The following KIF4A variants were observed in gnomAD, a reference collection of about 807,000 sequenced individuals.
KIF4A encodes kinesin family member 4A, also known as chromosome-associated kinesin KIF4A.
Under a neutral mutation model 105.9 loss-of-function variants are expected in KIF4A, and 7 were observed. The ratio of observed to expected loss-of-function variants is 0.07; its 90% confidence interval spans 0.04 to 0.12. The LOEUF is 0.12. KIF4A is among the 10% of genes least tolerant of loss of function. The probability of loss-of-function intolerance (pLI) is 1.00; values close to 1 mark genes in which losing one functional copy is unlikely to be tolerated. For missense variants in KIF4A, 558 were observed against 929.2 expected, an observed-to-expected ratio of 0.60 and a Z score of 5.19; for synonymous variants, 281 against 331.3, an observed-to-expected ratio of 0.85 and a Z score of 1.65.
chrX:70,295,790 G>A (rs762226872), intron 3 of KIF4A, among the ~76,000 whole-genome samples: 3 of 107,720 alleles, frequency 2.8e-5, no homozygotes, highest in South Asian at 8.5e-4. Context: ...GGTGGCACGC[G>A]TCTGTAATCC....
intron 29 of KIF4A, among the ~76,000 whole-genome samples, chrX:70,418,971 G>C (rs1423361345): frequency 9.0e-6 from 1 of 110,546 alleles, no homozygotes; most frequent in African/African-American, 3.3e-5. Flanking sequence ...TATAGTCCCA[G>C]CTACTCAGGA....
At chrX:70,316,523 A>G (rs113156019) in intron 7 of KIF4A, among the ~76,000 whole-genome samples, 1 of 90,648 alleles carries the variant, frequency 1.1e-5, no homozygotes, top group Non-Finnish European at 2.0e-5. Context: ...ACACATAAAT[A>G]TATATTACAT....
chrX:70,325,415 C>G (rs889909591), intron 7 of KIF4A, among the ~76,000 whole-genome samples: 1 of 110,258 alleles, frequency 9.1e-6, no homozygotes, highest in African/African-American at 3.3e-5. Context: ...GTAGCTGGGA[C>G]TACAGGTGCA....
At chrX:70,319,131 C>T (rs1056298588) in intron 7 of KIF4A, among the ~76,000 whole-genome samples, 2 of 110,668 alleles carry the variant, frequency 1.8e-5, no homozygotes, top group African/African-American at 6.6e-5. Context: ...GGCGTGGTGG[C>T]GGGCGCCTGT....
chrX:70,333,943 A>T (rs2085940850), intron 10 of KIF4A, among the ~76,000 whole-genome samples: 1 of 111,537 alleles, frequency 9.0e-6, no homozygotes, highest in Admixed American at 9.5e-5. Context: ...TGTTTATTTG[A>T]CATTTAGTTA....
chrX:70,383,532 T>A (rs951694928), intron 18 of KIF4A, among the ~76,000 whole-genome samples: 15 of 111,954 alleles, frequency 1.3e-4, no homozygotes, highest in African/African-American at 3.2e-4. Context: ...CACTCTTAGT[T>A]TTGTCTACCC....
chrX:70,382,473 G>GA (rs1364844531), intron 18 of KIF4A, among the ~76,000 whole-genome samples: 1 of 111,524 alleles, frequency 9.0e-6, no homozygotes, highest in Non-Finnish European at 1.9e-5. Flanking sequence ...AATTAAAGCA[G>GA]ATCAAAAACC....
intron 7 of KIF4A, among the ~76,000 whole-genome samples, chrX:70,304,194 G>GT (rs1244357964): frequency 2.0e-5 from 2 of 98,674 alleles, no homozygotes; most frequent in Non-Finnish European, 4.1e-5. Context: ...GTGGTGTTTG[G>GT]TTTTTTGTCC....
In KIF4A at chrX:70,387,255, G is replaced by A; in HGVS notation, c.2190G>A (p.Glu730=). ...GGGAGGTTGCAGATAAGCGGAAAGAGACTCAGAGCCGTGGAATGGAAGGCA... is the reference window on the plus strand; with the variant it reads ...GGGAGGTTGCAGATAAGCGGAAAGAAACTCAGAGCCGTGGAATGGAAGGCA... ...KQREVADKRK[E]TQSRGMEGTA... The change falls in exon 20 of 31, where the codon GAG becomes GAA. Residue 730 remains glutamate (E), a synonymous_variant. Coordinates refer to ENST00000374403, the MANE Select transcript of KIF4A (RefSeq NM_012310.5). The A allele has an allele frequency of 8.4e-7, 1 of 1,188,574 alleles. No homozygotes were observed. Among genetic ancestry groups the A allele is most frequent in the Non-Finnish European group, 1.1e-6 (1 of 883,701 alleles).
intron 7 of KIF4A, among the ~76,000 whole-genome samples, chrX:70,311,265 C>T (rs769483605): frequency 3.6e-5 from 4 of 111,634 alleles, no homozygotes; most frequent in African/African-American, 1.3e-4. Context: ...GTCTCACTTT[C>T]ATTTCAATTG....
chrX:70,392,378 TTA>T (rs1298332207), intron 20 of KIF4A, among the ~76,000 whole-genome samples: 1 of 111,955 alleles, frequency 8.9e-6, no homozygotes, highest in Non-Finnish European at 1.9e-5. Flanking sequence ...TTGTTCAAAG[TTA>T]TATGTTTCTC....
At chrX:70,366,343 G>A (rs1206578561) in intron 15 of KIF4A, among the ~76,000 whole-genome samples, 1 of 110,976 alleles carries the variant, frequency 9.0e-6, no homozygotes, top group Non-Finnish European at 1.9e-5. Context: ...TTTGATGTTG[G>A]GGTGCCAATT....
intron 18 of KIF4A, among the ~76,000 whole-genome samples, chrX:70,384,826 CTTT>C (rs371784485): frequency 6.1e-5 from 6 of 98,594 alleles, no homozygotes; most frequent in Non-Finnish European, 4.2e-5. Context: ...AAGAGAATCT[CTTT>C]TTTTTTTTTT....
chrX:70,329,627 A>G (rs964231662), intron 8 of KIF4A, 106 bp downstream of exon 8: 7 of 579,328 alleles, frequency 1.2e-5, no homozygotes, highest in Non-Finnish European at 2.0e-5. Context: ...TATGACATAC[A>G]CAGTTGTCTA....
At chrX:70,419,960 C>G in intron 30 of KIF4A, 102 bp from the exon 31 acceptor site, 1 of 983,285 alleles carries the variant, frequency 1.0e-6, no homozygotes, top group Non-Finnish European at 1.4e-6. Context: ...TTAAAGAACA[C>G]TTCATACTAC....
At position 70,406,943 on chromosome X, in the gene KIF4A, C is replaced by T. The variant is rs2086302469; in HGVS notation, c.3123C>T (p.Ile1041=). The T allele has an allele frequency of 2.5e-6, 3 of 1,211,401 alleles. No individual in the cohort carries two copies. The highest frequency in any genetic ancestry group is 2.3e-4 in the Middle Eastern group (1 of 4,356). ...KEKFLEQSMD[I]EDLKYCSEHS... ...AGTTCCTGGAGCAAAGCATGGACATCGAGGATCTAAAATATTGTTCAGAGC... is the reference window on the plus strand; with the variant it reads ...AGTTCCTGGAGCAAAGCATGGACATTGAGGATCTAAAATATTGTTCAGAGC... Residue 1041 remains isoleucine (I), a synonymous_variant, in exon 28 of 31, where the codon ATC becomes ATT. Coordinates refer to ENST00000374403, the MANE Select transcript of KIF4A (RefSeq NM_012310.5).
intron 20 of KIF4A, among the ~76,000 whole-genome samples, chrX:70,394,047 G>A (rs759190359): frequency 1.0e-4 from 11 of 108,354 alleles, no homozygotes; most frequent in Non-Finnish European, 2.1e-4. Flanking sequence ...TGTATTTTTT[G>A]TAGAGATGGG....
rs1402729909 is a variant in KIF4A, at chrX:70,302,308, A to G, written c.688A>G (p.Ser230Gly). Residue 230 changes from serine (S) to glycine (G), a missense_variant, in exon 7 of 31, where the codon AGC becomes GGC. Ser to Gly is a moderately conservative substitution (Grantham distance 56). Transcript: ENST00000374403. ...LEQRKKSDKN[S>G]SFRSKLHLVD... The stretch of plus-strand genomic sequence containing the variant: ...GTCTTCCTTTCATTATCACAGGAAT[A>G]GCAGCTTTCGCTCCAAGCTGCATCT... The G allele has an allele frequency of 1.2e-5, 14 of 1,209,011 alleles. No individual in the cohort carries two copies. Among genetic ancestry groups the G allele is most frequent in the Non-Finnish European group, 1.6e-5 (14 of 894,418 alleles).
chrX:70,325,905 A>G (rs182150644), intron 7 of KIF4A, among the ~76,000 whole-genome samples: 6 of 111,529 alleles, frequency 5.4e-5, no homozygotes, highest in Non-Finnish European at 9.4e-5. Context: ...TAAGATCGGT[A>G]TTTTCCCTGT....
Sources: allele counts gnomAD v4.1 joint callset (sites outside exome capture counted in the v4.1 genomes callset), GRCh38; gene constraint gnomAD v4.1.1; transcripts MANE v1.5; gene names NCBI Gene and HGNC (gene_info 2026-07-23, HGNC 2026-07-21).